Variants in ADCY2 observed in about 807,000 individuals in gnomAD.
The protein encoded by ADCY2 is adenylate cyclase 2, also known as adenylate cyclase type 2.
ADCY2 carries 31 observed loss-of-function variants against 125.2 expected under a neutral mutation model. The observed-to-expected ratio is 0.25, with a 90% CI of 0.19 to 0.33. The LOEUF (loss-of-function observed/expected upper bound fraction) is 0.33. Ranked by LOEUF, ADCY2 falls within the 10% of genes least tolerant of loss-of-function variation. The probability of loss-of-function intolerance (pLI) is 1.00; values close to 1 mark genes in which losing one functional copy is unlikely to be tolerated. For synonymous variants in ADCY2, 512 were observed against 548.4 expected (o/e 0.93, Z 0.93); for missense variants, 904 against 1,418.2 (o/e 0.64, Z 5.82).
chr5:7,635,529 T>A (rs1738468012), intron 4 of ADCY2, among the ~76,000 whole-genome samples: 1 of 152,112 alleles, frequency 6.6e-6, no homozygotes, highest in Non-Finnish European at 1.5e-5. Context: ...GTCACTTTAT[T>A]TATTGGGAGG....
At chr5:7,633,206 G>A (rs1201205128) in intron 4 of ADCY2, among the ~76,000 whole-genome samples, 6 of 152,040 alleles carry the variant, frequency 3.9e-5, no homozygotes, top group East Asian at 1.9e-4. Flanking sequence ...CGAGGCGGGC[G>A]GATCACCTGA....
chr5:7,496,720 C>G (rs978558816), intron 2 of ADCY2, among the ~76,000 whole-genome samples: 1 of 152,092 alleles, frequency 6.6e-6, no homozygotes, highest in Non-Finnish European at 1.5e-5. Flanking sequence ...CAATTGAAAA[C>G]CACTAGCATT....
At chr5:7,413,847 A>G (rs933528054) in intron 1 of ADCY2, among the ~76,000 whole-genome samples, 9 of 152,220 alleles carry the variant, frequency 5.9e-5, no homozygotes, top group African/African-American at 2.2e-4. Flanking sequence ...GGTAAGGAAG[A>G]GATAAATAAA....
At chr5:7,734,380 A>C (rs4235587) in intron 14 of ADCY2, among the ~76,000 whole-genome samples, 68,785 of 152,010 alleles carry the variant, frequency 0.45, 16,667 homozygotes, top group East Asian at 0.94. Flanking sequence ...CCTTTAAGCA[A>C]TTCATTGACT....
rs976243460 is a variant in ADCY2 at position 7,407,440 on chromosome 5, G to T, written c.211-7133G>T. The stretch of plus-strand genomic sequence containing the variant: ...AATTGTGGCTGAAGGGGAAGGGGAA[G>T]GGGAAGCAAGGCATGTCTTCTTATG... On this transcript the variant is annotated intron_variant, in intron 1 of 24. Coordinates refer to ENST00000338316, the MANE Select transcript of ADCY2 (RefSeq NM_020546.3). Among the ~76,000 whole-genome samples, 4 of 152,262 alleles carry T rather than the reference G, an allele frequency of 2.6e-5. No homozygotes were observed. The East Asian group carries it at 7.7e-4, about 29-fold the overall frequency.
intron 4 of ADCY2, among the ~76,000 whole-genome samples, chr5:7,690,381 T>C (rs989962653): frequency 6.6e-6 from 1 of 152,216 alleles, no homozygotes; most frequent in Non-Finnish European, 1.5e-5. Flanking sequence ...TTTAATATTG[T>C]TTCTGCTTTG....
intron 7 of ADCY2, among the ~76,000 whole-genome samples, chr5:7,699,383 C>T (rs978176918): frequency 2.6e-5 from 4 of 151,918 alleles, no homozygotes; most frequent in Non-Finnish European, 5.9e-5. Context: ...AGGCGTGAGC[C>T]ACCGCGCCCG....
intron 14 of ADCY2, among the ~76,000 whole-genome samples, chr5:7,735,852 C>T (rs1340984219): frequency 6.6e-6 from 1 of 152,124 alleles, no homozygotes; most frequent in Non-Finnish European, 1.5e-5. Flanking sequence ...GAACTGTTCC[C>T]TTCCCTTCCA....
chr5:7,654,487 T>A (rs1739251834), intron 4 of ADCY2, among the ~76,000 whole-genome samples: 1 of 152,138 alleles, frequency 6.6e-6, no homozygotes, highest in Admixed American at 6.5e-5. Flanking sequence ...AAGGAAGGGA[T>A]GGGTTCCTTC....
At chr5:7,823,455 C>T (rs371194865) in intron 24 of ADCY2, among the ~76,000 whole-genome samples, 4 of 152,282 alleles carry the variant, frequency 2.6e-5, no homozygotes, top group South Asian at 2.1e-4. Context: ...GAACAAGAAT[C>T]GTGGGGCGTT....
intron 4 of ADCY2, among the ~76,000 whole-genome samples, chr5:7,662,868 C>T (rs937605808): frequency 1.3e-5 from 2 of 152,214 alleles, no homozygotes; most frequent in Non-Finnish European, 2.9e-5. Context: ...AGAAGCAGGT[C>T]CAATCCTAGC....
chr5:7,760,767 C>G (rs1743171256), intron 16 of ADCY2, among the ~76,000 whole-genome samples: 1 of 152,114 alleles, frequency 6.6e-6, no homozygotes, highest in Admixed American at 6.6e-5. Flanking sequence ...GATTAGAGCA[C>G]CTAAAATCTA....
At chr5:7,695,926 ATC>A in intron 6 of ADCY2, 63 bp downstream of exon 6, 1 of 1,080,170 alleles carries the variant, frequency 9.3e-7, no homozygotes, top group Non-Finnish European at 1.4e-6. Context: ...GTTTTTCTTC[ATC>A]CACCTATCAA....
At chr5:7,690,591 A>G in intron 4 of ADCY2, 100 bp from the exon 5 acceptor site, 1 of 1,140,802 alleles carries the variant, frequency 8.8e-7, no homozygotes, top group Admixed American at 3.7e-5. Flanking sequence ...AAGAATTCCC[A>G]AACTGGCCTT....
chr5:7,553,388 G>A (rs12522444), intron 3 of ADCY2, among the ~76,000 whole-genome samples: 22,571 of 152,160 alleles, frequency 0.15, 2,214 homozygotes, highest in Non-Finnish European at 0.21. Flanking sequence ...AGGCCCTTCC[G>A]GGCTCTCTAC....
chr5:7,587,586 A>G (rs897568722), intron 3 of ADCY2, among the ~76,000 whole-genome samples: 4 of 152,176 alleles, frequency 2.6e-5, no homozygotes, highest in South Asian at 2.1e-4. Flanking sequence ...TTATCTTTCC[A>G]TTCCTTGAAT....
At chr5:7,443,233 A>G (rs1741079252) in intron 2 of ADCY2, among the ~76,000 whole-genome samples, 1 of 152,338 alleles carries the variant, frequency 6.6e-6, no homozygotes, top group African/African-American at 2.4e-5. Context: ...CCATGAGTTT[A>G]TGCTAACATT....
At chr5:7,461,770 G>T (rs1282932732) in intron 2 of ADCY2, among the ~76,000 whole-genome samples, 1 of 152,216 alleles carries the variant, frequency 6.6e-6, no homozygotes, top group Admixed American at 6.5e-5. Flanking sequence ...GGTGATGAAT[G>T]CTGGTTACAC....
intron 17 of ADCY2, among the ~76,000 whole-genome samples, chr5:7,772,054 T>C (rs578089114): frequency 6.6e-6 from 1 of 152,346 alleles, no homozygotes; most frequent in Admixed American, 6.5e-5. Flanking sequence ...CTCTGTGCAT[T>C]ACTTTTTTAT....
Sources: allele counts gnomAD v4.1 joint callset (sites outside exome capture counted in the v4.1 genomes callset), GRCh38; gene constraint gnomAD v4.1.1; transcripts MANE v1.5; gene names NCBI Gene and HGNC (gene_info 2026-07-23, HGNC 2026-07-21).